SHPRH: variants seen among roughly 807,000 people sequenced by gnomAD.
The protein encoded by SHPRH is E3 ubiquitin-protein ligase SHPRH.
SHPRH carries 106 observed loss-of-function variants against 202.5 expected under a neutral mutation model. The observed-to-expected ratio is 0.52, with a 90% CI of 0.45 to 0.62. The LOEUF is 0.62. Among genes scored for constraint, SHPRH ranks in the 20% least tolerant of loss-of-function variants. SHPRH has a pLI of 0.00. For synonymous variants in SHPRH, 729 were observed against 686.0 expected (o/e 1.06, Z -0.98); for missense variants, 1,710 against 2,020.0 (o/e 0.85, Z 2.94).
intron 14 of SHPRH, among the ~76,000 whole-genome samples, chr6:145,931,397 G>A (rs1004862204): frequency 6.6e-6 from 1 of 151,974 alleles, no homozygotes; most frequent in Non-Finnish European, 1.5e-5. Context: ...CTGTAGCCCA[G>A]TCTGGGGTGC....
At chr6:145,873,969 C>T (rs1427127899) in intron 2 of SHPRH, among the ~76,000 whole-genome samples, 2 of 151,952 alleles carry the variant, frequency 1.3e-5, no homozygotes, top group East Asian at 3.9e-4. Context: ...GAGTCTGAGG[C>T]AGGTGGATCA....
intron 4 of SHPRH, 23 bp from the exon 5 acceptor site, chr6:145,948,373 TAAC>T (rs1787614826): frequency 6.4e-7 from 1 of 1,574,664 alleles, no homozygotes. Context: ...ATAATCATAA[TAAC>T]AAATTTTTGT....
intron 29 of SHPRH, among the ~76,000 whole-genome samples, chr6:145,887,075 C>A (rs549614875): frequency 2.6e-5 from 4 of 152,246 alleles, no homozygotes; most frequent in Admixed American, 6.5e-5. Context: ...TTACAAATTA[C>A]CTTCTTACCA....
chr6:145,882,281 G>T (rs949960002), downstream of SHPRH, among the ~76,000 whole-genome samples: 1 of 152,180 alleles, frequency 6.6e-6, no homozygotes, highest in African/African-American at 2.4e-5. Flanking sequence ...AGACAGAAGT[G>T]CCTCTTACAG....
In SHPRH at chr6:145,927,295, A is replaced by G. The variant is rs769340389; in HGVS notation, c.3113-18T>C. The G allele has an allele frequency of 6.2e-7, 1 of 1,604,244 alleles. No individual in the cohort carries two copies. Among genetic ancestry groups the G allele is most frequent in the Non-Finnish European group, 8.5e-7 (1 of 1,173,596 alleles). ...ATACTCACCTAAAGAATTAAAATGT[A>G]TTTAAAGCATACGAGAGTCACATAT... On this transcript the variant is annotated intron_variant, in intron 14 of 29. Transcript: ENST00000275233.
At chr6:145,903,066 T>C (rs1313827218) in intron 25 of SHPRH, among the ~76,000 whole-genome samples, 2 of 152,072 alleles carry the variant, frequency 1.3e-5, no homozygotes, top group African/African-American at 4.8e-5. Flanking sequence ...TTTGCAATTA[T>C]ATTTAGTCAT....
intron 23 of SHPRH, among the ~76,000 whole-genome samples, chr6:145,916,347 G>A (rs926800558): frequency 1.3e-5 from 2 of 152,046 alleles, no homozygotes; most frequent in Non-Finnish European, 2.9e-5. Flanking sequence ...GCTCACTGGA[G>A]CATTTCCAGT....
rs755557059 is a variant in SHPRH, at chr6:145,941,789, A to G, written c.2324T>C (p.Leu775Pro). The G allele has an allele frequency of 3.1e-6, 5 of 1,614,068 alleles. No homozygotes were observed. The highest frequency in any genetic ancestry group is 4.2e-6 in the Non-Finnish European group (5 of 1,179,980). ...QDIVIITYDV[L>P]RSELNYVDIP... The stretch of plus-strand genomic sequence containing the variant: ...ATCGACATAATTTAATTCTGAACGC[A>G]GTACATCATAGGTAATGATAACTAT... Residue 775 changes from leucine to proline, a missense_variant, in exon 10 of 30, where the codon CTG becomes CCG. Around this residue, in one of 8 missense-constraint regions of SHPRH, gnomAD observed 277 missense variants for 363.0 expected, o/e 0.76. Coordinates refer to ENST00000275233, the MANE Select transcript of SHPRH (RefSeq NM_001042683.3).
chr6:145,870,670 G>A lies in SHPRH; in HGVS notation c.222-6179C>T, dbSNP rs117645771. Among the ~76,000 whole-genome samples the A allele has an allele frequency of 4.1e-3, 629 of 152,182 alleles. 15 individuals are homozygous for A. In the East Asian group the frequency reaches 0.07, roughly 17 times the overall value. Reference sequence around the variant, plus strand: ...TCCTTTTGTTGTGTAGCATTAGCTAGGACTTCAAGAACAATGTTGAAAAGG... The same window carrying A: ...TCCTTTTGTTGTGTAGCATTAGCTAAGACTTCAAGAACAATGTTGAAAAGG... On this transcript the variant is annotated intron_variant, in intron 2 of 2. Coordinates refer to the SHPRH transcript ENST00000417762.
intron 25 of SHPRH, among the ~76,000 whole-genome samples, chr6:145,900,788 T>C (rs1230496420): frequency 6.6e-6 from 1 of 152,142 alleles, no homozygotes; most frequent in Non-Finnish European, 1.5e-5. Context: ...AATGTAAATC[T>C]TACGTAAATT....
chr6:145,962,047 G>C (rs904649153), intron 1 of SHPRH, among the ~76,000 whole-genome samples: 2 of 151,850 alleles, frequency 1.3e-5, no homozygotes, highest in African/African-American at 4.8e-5. Flanking sequence ...TTAATTAGCA[G>C]TGTTTGGGTA....
chr6:145,963,678 G>A (rs1789342991), intron 1 of SHPRH, 53 bp downstream of exon 1: 1 of 152,238 alleles, frequency 6.6e-6, no homozygotes, highest in African/African-American at 2.4e-5. Context: ...AAGAAGGGAG[G>A]CGGCGACCCA....
At chr6:145,895,539 T>G (rs1583319489) in intron 25 of SHPRH, among the ~76,000 whole-genome samples, 3 of 148,754 alleles carry the variant, frequency 2.0e-5, no homozygotes, top group African/African-American at 7.4e-5. Context: ...AACTGTGTGT[T>G]TTTTTTTTTT....
chr6:145,873,695 G>GAAGGAAA, intron 2 of SHPRH, among the ~76,000 whole-genome samples: 1 of 111,906 alleles, frequency 8.9e-6, no homozygotes, highest in Non-Finnish European at 1.7e-5. Context: ...AGTTGCTAGA[G>GAAGGAAA]GAAGGAAGGA....
chr6:145,874,554 T>C (rs1780215340), intron 2 of SHPRH, among the ~76,000 whole-genome samples: 1 of 152,206 alleles, frequency 6.6e-6, no homozygotes, highest in African/African-American at 2.4e-5. Flanking sequence ...TTGATATACA[T>C]ATACATTCTG....
Position 145,943,744 on chromosome 6 carries a change from G to C in SHPRH, c.1637C>G (p.Thr546Arg), listed in dbSNP as rs761581192. 12 of 1,609,718 alleles carry C rather than the reference G, an allele frequency of 7.5e-6. 1 individual carries two copies. The South Asian group carries it at 1.0e-4, about 13-fold the overall frequency. The change falls in exon 9 of 30, where the codon ACA (threonine) becomes AGA (arginine). Residue 546 changes from threonine (T) to arginine (R), a missense_variant. Thr to Arg is a moderately conservative substitution (Grantham distance 71, BLOSUM62 -1). Coordinates refer to ENST00000275233, the MANE Select transcript of SHPRH (RefSeq NM_001042683.3). ...KETRKSGNKDTDSEYLPSDTS... is the reference protein window; with the variant it reads ...KETRKSGNKDRDSEYLPSDTS... ...GTCTGATGGCAAGTATTCAGAATCTGTGTCCTTGTTCCCTGATTTTCTAGT... is the reference window on the plus strand; with the variant it reads ...GTCTGATGGCAAGTATTCAGAATCTCTGTCCTTGTTCCCTGATTTTCTAGT...
chr6:145,945,363 G>T lies in SHPRH; in HGVS notation c.1578+18C>A. ...ACATACGTGTACTTAATATAGAGCT[G>T]AACTTAAGCTCTGTTACCTGCTTTT... On this transcript the variant is annotated intron_variant, in intron 8 of 29. Transcript: ENST00000275233. 6.3e-7 allele frequency: 1 copy of T among 1,598,924 alleles called. No individual in the cohort carries two copies. The highest frequency in any genetic ancestry group is 1.1e-5 in the South Asian group (1 of 88,030).
At chr6:145,878,741 G>A (rs901927921) in intron 2 of SHPRH, among the ~76,000 whole-genome samples, 1 of 152,148 alleles carries the variant, frequency 6.6e-6, no homozygotes, top group African/African-American at 2.4e-5. Context: ...GGCTTCCTCA[G>A]GAATTTCACT....
chr6:145,895,883 G>A (rs1401425688), intron 25 of SHPRH, among the ~76,000 whole-genome samples: 1 of 151,936 alleles, frequency 6.6e-6, no homozygotes, highest in Non-Finnish European at 1.5e-5. Flanking sequence ...TGTATACGAA[G>A]CATTTAGCCT....
Sources: gnomAD v4.1 joint callset for allele counts (sites outside exome capture counted in the v4.1 genomes callset) on GRCh38, gnomAD v4.1.1 for gene constraint, gnomAD v4.1.1 regional missense constraint, MANE v1.5 for transcripts, NCBI Gene and HGNC (gene_info 2026-07-23, HGNC 2026-07-21) for gene names.